The following PLCH2 variants were observed in gnomAD, a reference collection of about 807,000 sequenced individuals.
PLCH2 encodes phospholipase C eta 2, also known as 1-phosphatidylinositol 4,5-bisphosphate phosphodiesterase eta-2.
A neutral mutation model predicts 134.7 loss-of-function variants in PLCH2; 98 were observed. That is an observed-to-expected ratio of 0.73 (90% CI 0.62 to 0.86). The LOEUF is 0.86. PLCH2 is among the 40% of genes least tolerant of loss of function. The pLI is 0.00. For missense variants in PLCH2, 1,994 were observed against 1,986.6 expected (o/e 1.00, Z -0.07); for synonymous variants, 974 against 827.5 (o/e 1.18, Z -3.04).
At chr1:2,435,225 C>T (rs1639273314) in intron 2 of PLCH2, among the ~76,000 whole-genome samples, 2 of 152,144 alleles carry the variant, frequency 1.3e-5, no homozygotes, top group South Asian at 4.1e-4. Flanking sequence ...CCTCCAGGAA[C>T]CCCTGTCACC....
upstream of PLCH2, among the ~76,000 whole-genome samples, chr1:2,474,155 G>A (rs919394090): frequency 2.6e-5 from 4 of 152,066 alleles, no homozygotes; most frequent in African/African-American, 9.7e-5. Context: ...GGGTGGGGCA[G>A]CCCCCTCCGT....
chr1:2,486,857 T>C (rs958506413), intron 5 of PLCH2, 50 bp from the exon 6 acceptor site: 1 of 1,438,930 alleles, frequency 6.9e-7, no homozygotes, highest in African/African-American at 1.4e-5. Context: ...CCTGAGGCTA[T>C]CCCAGGCCAG....
At chr1:2,419,932 C>T in the PLCH2 span, among the ~76,000 whole-genome samples, 2 of 152,084 alleles carry the variant, frequency 1.3e-5, no homozygotes, top group Admixed American at 1.3e-4. Context: ...CGGCTCTTGC[C>T]AACTCAAAGT....
chr1:2,484,137 G>T (rs1642166989), intron 4 of PLCH2, among the ~76,000 whole-genome samples: 2 of 152,156 alleles, frequency 1.3e-5, no homozygotes, highest in African/African-American at 4.8e-5. Flanking sequence ...CTCCCGTATG[G>T]GTGATGTTGG....
At chr1:2,492,529 G>A (rs1642643977) in intron 11 of PLCH2, 1 of 152,364 alleles carries the variant, frequency 6.6e-6, no homozygotes, top group African/African-American at 2.4e-5. Flanking sequence ...GGAGGAGGAG[G>A]GGCTCAGGCA....
At chr1:2,499,312 T>C (rs1345195817) in intron 19 of PLCH2, 82 bp downstream of exon 19, 3 of 1,508,060 alleles carry the variant, frequency 2.0e-6, no homozygotes, top group African/African-American at 2.7e-5. Flanking sequence ...TGTGAGTCAG[T>C]GCCTGTGTAG....
chr1:2,459,435 TCCTTGCC>T (rs1640672006), intron 2 of PLCH2, among the ~76,000 whole-genome samples: 6 of 76,178 alleles, frequency 7.9e-5, no homozygotes, highest in East Asian at 8.0e-4. Context: ...CCGGTGGTCC[TCCTTGCC>T]GGTGGTCCTC....
intron 20 of PLCH2, chr1:2,501,735 C>T (rs2100739590): frequency 4.5e-6 from 1 of 223,148 alleles, no homozygotes; most frequent in East Asian, 8.8e-5. Context: ...CTGCGGGCCT[C>T]TGAGCAGGTG....
In PLCH2 at chr1:2,448,099, C is replaced by T. The variant is rs952767673; in HGVS notation, c.115+17470C>T. 6.6e-6 allele frequency among the ~76,000 whole-genome samples: 1 copy of T among 152,192 alleles called. No individual in the cohort carries two copies. Among genetic ancestry groups the T allele is most frequent in the African/African-American group, 2.4e-5 (1 of 41,446 alleles). The stretch of plus-strand genomic sequence containing the variant: ...GCAGCCAAACCCAGGCAAAGGTGAC[C>T]CTTGTCAGGAACGCTTTGCTGACAG... On this transcript the variant is annotated intron_variant, in intron 2 of 3. Transcript: ENST00000609981. The surrounding 1 kb of genome is among the most constrained non-coding windows in gnomAD (Gnocchi z 4.0).
chr1:2,451,580 G>A (rs1217961684), intron 2 of PLCH2, among the ~76,000 whole-genome samples: 2 of 152,172 alleles, frequency 1.3e-5, no homozygotes, highest in African/African-American at 2.4e-5. Flanking sequence ...TCCTATCACC[G>A]TGGAGGGCAG....
At chr1:2,428,771 G>A (rs1638925452) in intron 1 of PLCH2, among the ~76,000 whole-genome samples, 1 of 152,268 alleles carries the variant, frequency 6.6e-6, no homozygotes, top group Non-Finnish European at 1.5e-5. Context: ...GAGGCTGAGG[G>A]GCTGAGTGCT....
intron 16 of PLCH2, 102 bp downstream of exon 16, chr1:2,497,711 T>G (rs1570477791): frequency 5.2e-6 from 4 of 762,696 alleles, no homozygotes; most frequent in South Asian, 1.8e-5. Flanking sequence ...AGCAAGGGGG[T>G]GGGGGCGGCT....
rs1465779843 is a variant in PLCH2, at chr1:2,484,488, A to G, written c.686A>G (p.Glu229Gly). 3 of 1,613,286 alleles carry G rather than the reference A, an allele frequency of 1.9e-6. No homozygotes were observed. The highest frequency in any genetic ancestry group is 3.3e-5 in the Admixed American group (2 of 59,992). Residue 229 changes from glutamate (E) to glycine (G), a missense_variant, in exon 5 of 22, where the codon GAA becomes GGA. Glu to Gly is a moderately conservative substitution (Grantham distance 98). Transcript: ENST00000378486. The part of the protein sequence containing the change: ...TDDHQGTLGF[E>G]EFCAFYKMMS... ...GACCACCAAGGGACGCTGGGTTTTG[A>G]AGAGTTCTGTGCCTTCTACAAGATG...
chr1:2,454,580 A>G (rs1228200662), intron 2 of PLCH2, among the ~76,000 whole-genome samples: 1 of 151,742 alleles, frequency 6.6e-6, no homozygotes, highest in Non-Finnish European at 1.5e-5. Context: ...CTGATGGTGG[A>G]CCCCAGGCCT....
At chr1:2,431,674 G>A (rs560084934) in intron 2 of PLCH2, among the ~76,000 whole-genome samples, 1 of 152,240 alleles carries the variant, frequency 6.6e-6, no homozygotes, top group African/African-American at 2.4e-5. Context: ...CAGGTCCAGG[G>A]GCAACGGTTC....
chr1:2,464,556 G>T (rs1010380685), upstream of PLCH2, among the ~76,000 whole-genome samples: 2 of 152,190 alleles, frequency 1.3e-5, no homozygotes, highest in Non-Finnish European at 2.9e-5. Context: ...TTTCTTTGGA[G>T]ATGAGACGTG....
At chr1:2,427,319 C>T (rs2494587) in intron 1 of PLCH2, among the ~76,000 whole-genome samples, 97,587 of 151,956 alleles carry the variant, frequency 0.64, 31,687 homozygotes, top group East Asian at 0.76. Flanking sequence ...CGTGGGGGCC[C>T]GGGGCCGCAG....
chr1:2,459,472 C>G (rs184610697), intron 2 of PLCH2, among the ~76,000 whole-genome samples: 407 of 19,886 alleles, frequency 0.02, 77 homozygotes, highest in East Asian at 0.18. Context: ...GGTTCTCCTT[C>G]CTGGTGGTCC....
Position 2,462,448 on chromosome 1 carries a change from C to T in PLCH2, c.116-16028C>T, listed in dbSNP as rs144564218. Among the ~76,000 whole-genome samples, 652 of 149,098 alleles carry T rather than the reference C, an allele frequency of 4.4e-3. 1 individual carries two copies. Among genetic ancestry groups the T allele is most frequent in the Non-Finnish European group, 6.3e-3 (421 of 67,172 alleles). On this transcript the variant is annotated intron_variant, in intron 2 of 3. Coordinates refer to the PLCH2 transcript ENST00000609981. Reference sequence around the variant, plus strand: ...CACCTGACACCCCTCTGCCTGACACCCCTCCATCTGACACCCTTCCACCTG... The same window carrying T: ...CACCTGACACCCCTCTGCCTGACACTCCTCCATCTGACACCCTTCCACCTG...
Sources: allele counts gnomAD v4.1 joint callset (sites outside exome capture counted in the v4.1 genomes callset), GRCh38; gene constraint gnomAD v4.1.1; non-coding constraint Gnocchi (gnomAD v3.1); transcripts MANE v1.5; gene names NCBI Gene and HGNC (gene_info 2026-07-23, HGNC 2026-07-21).